The following EHMT1 variants were observed in gnomAD, a reference collection of about 807,000 sequenced individuals.
The protein encoded by EHMT1 is histone-lysine N-methyltransferase EHMT1.
In EHMT1, 15 loss-of-function variants were observed where a neutral mutation model predicts 147.2. The ratio of observed to expected loss-of-function variants is 0.10; its 90% CI spans 0.07 to 0.16. The LOEUF is 0.16. EHMT1 is among the 10% of genes least tolerant of loss of function. The pLI is 1.00. For synonymous variants in EHMT1, 795 were observed against 709.6 expected, an observed-to-expected ratio of 1.12 and a Z score of -1.91; for missense variants, 1,587 against 1,772.4, an observed-to-expected ratio of 0.90 and a Z score of 1.88.
chr9:137,724,438 T>A (rs1381731793), intron 3 of EHMT1, among the ~76,000 whole-genome samples: 1 of 152,230 alleles, frequency 6.6e-6, no homozygotes, highest in Non-Finnish European at 1.5e-5. Context: ...TGTGCTTTGT[T>A]AGGTAACAAG....
At chr9:137,644,220 C>T (rs1844719322) in intron 1 of EHMT1, among the ~76,000 whole-genome samples, 1 of 152,094 alleles carries the variant, frequency 6.6e-6, no homozygotes. Context: ...GGCAGGAAAG[C>T]AGCCACGGGC....
intron 15 of EHMT1, among the ~76,000 whole-genome samples, chr9:137,790,447 A>G (rs1381312371): frequency 6.6e-6 from 1 of 152,236 alleles, no homozygotes; most frequent in African/African-American, 2.4e-5. Context: ...GTACTAAATC[A>G]GTGAGAGGAT....
At chr9:137,830,664 A>G (rs921946310) in intron 25 of EHMT1, among the ~76,000 whole-genome samples, 5 of 152,144 alleles carry the variant, frequency 3.3e-5, no homozygotes, top group African/African-American at 4.8e-5. Context: ...AACATGTCCC[A>G]TGGAAGCTGG....
intron 1 of EHMT1, among the ~76,000 whole-genome samples, chr9:137,669,531 C>T (rs1940262092): frequency 6.7e-6 from 1 of 149,092 alleles, no homozygotes; most frequent in African/African-American, 2.5e-5. Flanking sequence ...GTGCACTCGA[C>T]TCCTCCCAAG....
chr9:137,703,775 C>T (rs567991118), intron 1 of EHMT1, among the ~76,000 whole-genome samples: 40 of 152,246 alleles, frequency 2.6e-4, no homozygotes, highest in African/African-American at 7.9e-4. Flanking sequence ...GTTCAAACTT[C>T]GGCCCATTAC....
At position 137,778,047 on chromosome 9, in the gene EHMT1, C is replaced by T. The variant is rs760890506; in HGVS notation, c.2184C>T (p.Asp728=). The T allele has an allele frequency of 5.6e-6, 9 of 1,613,782 alleles. No homozygotes were observed. In the Admixed American group the frequency reaches 1.5e-4, roughly 27 times the overall value. The change falls in exon 13 of 27, where the codon GAC becomes GAT. Residue 728 remains aspartate, a synonymous_variant. Coordinates refer to ENST00000460843, the MANE Select transcript of EHMT1 (RefSeq NM_024757.5). The stretch of plus-strand genomic sequence containing the variant: ...TGGAGAGCGCTCTCATCGCCCTCGA[C>T]TCGGAAAAGTAAGACCTGACATGTG... ...ETLESALIAL[D]SEKPKKLRFH... is the part of the protein sequence containing the mutation.
intron 1 of EHMT1, among the ~76,000 whole-genome samples, chr9:137,640,109 A>G (rs1023812771): frequency 6.6e-6 from 1 of 151,810 alleles, no homozygotes; most frequent in African/African-American, 2.4e-5. Context: ...TAAGTTTTAT[A>G]TTTTTAGTAG....
intron 24 of EHMT1, 183 bp downstream of exon 24, chr9:137,817,708 T>C: frequency 1.3e-6 from 1 of 750,766 alleles, no homozygotes; most frequent in Non-Finnish European, 2.2e-6. Context: ...GTCCTCTTGC[T>C]GCTGCCCGTA....
At chr9:137,630,745 C>T (rs1387272857) in intron 1 of EHMT1, among the ~76,000 whole-genome samples, 1 of 152,060 alleles carries the variant, frequency 6.6e-6, no homozygotes, top group Non-Finnish European at 1.5e-5. Context: ...TAGAAAAGTC[C>T]CAGTTTCCTC....
intron 18 of EHMT1, chr9:137,803,152 C>G (rs958025099): frequency 4.9e-6 from 6 of 1,226,484 alleles, no homozygotes; most frequent in Non-Finnish European, 5.1e-6. Context: ...GGTGGCTGTT[C>G]CCCCAGAATG....
chr9:137,824,717 G>C (rs894709157), intron 25 of EHMT1, among the ~76,000 whole-genome samples: 4 of 152,074 alleles, frequency 2.6e-5, no homozygotes, highest in African/African-American at 9.7e-5. Flanking sequence ...TTTGTTAAAT[G>C]TATTCCTAAG....
intron 1 of EHMT1, chr9:137,651,153 C>G (rs756792687): frequency 6.6e-6 from 1 of 152,214 alleles, no homozygotes; most frequent in African/African-American, 2.4e-5. Context: ...GTGTGAGCCA[C>G]TGCACCCAGG....
At chr9:137,727,040 A>G (rs1232879652) in intron 3 of EHMT1, among the ~76,000 whole-genome samples, 1 of 152,136 alleles carries the variant, frequency 6.6e-6, no homozygotes, top group South Asian at 2.1e-4. Flanking sequence ...AGACTTTTTC[A>G]TGTATTCTGG....
At chr9:137,781,871 T>C (rs1452864427) in intron 14 of EHMT1, among the ~76,000 whole-genome samples, 2 of 152,222 alleles carry the variant, frequency 1.3e-5, no homozygotes, top group Non-Finnish European at 2.9e-5. Context: ...GCTCCGTTGC[T>C]CACCGTCCTC....
At chr9:137,700,812 T>C (rs1943763379) in intron 1 of EHMT1, among the ~76,000 whole-genome samples, 1 of 152,180 alleles carries the variant, frequency 6.6e-6, no homozygotes, top group Admixed American at 6.5e-5. Context: ...TAGCTCTTGT[T>C]TTACTATAAA....
At chr9:137,691,477 C>T (rs1054943958) in intron 1 of EHMT1, among the ~76,000 whole-genome samples, 5 of 151,712 alleles carry the variant, frequency 3.3e-5, no homozygotes, top group Admixed American at 2.0e-4. Flanking sequence ...CGCGCCCAGC[C>T]GTAATGTTCT....
Position 137,762,701 on chromosome 9 carries a change from G to C in EHMT1, c.1528G>C (p.Glu510Gln). 6.2e-7 allele frequency: 1 copy of C among 1,614,250 alleles called. No individual in the cohort carries two copies. Among genetic ancestry groups the C allele is most frequent in the South Asian group, 1.1e-5 (1 of 91,086 alleles). The change falls in exon 10 of 27, where the codon GAG (glutamate) becomes CAG (glutamine). Residue 510 changes from glutamate (E) to glutamine (Q), a missense_variant. Glu to Gln is a conservative substitution (Grantham distance 29). Around this residue, in one of 7 missense-constraint regions of EHMT1, gnomAD observed 810 missense variants for 673.0 expected, o/e 1.20. Coordinates refer to ENST00000460843, the MANE Select transcript of EHMT1 (RefSeq NM_024757.5). ...EGLANGPDVL[E>Q]TDGLQEVPLC... ...GTTGGCCAACGGTCCAGATGTGCTGGAGACAGACGGCCTCCAGGAAGTGCC... is the reference window on the plus strand; with the variant it reads ...GTTGGCCAACGGTCCAGATGTGCTGCAGACAGACGGCCTCCAGGAAGTGCC...
chr9:137,801,221 C>T (rs1312109083), intron 18 of EHMT1, among the ~76,000 whole-genome samples: 2 of 152,212 alleles, frequency 1.3e-5, no homozygotes, highest in East Asian at 1.9e-4. Context: ...GGGCGCTGCA[C>T]TGCCCTGGTC....
intron 23 of EHMT1, chr9:137,817,163 C>T (rs1369739608): frequency 3.8e-6 from 2 of 525,650 alleles, no homozygotes; most frequent in Non-Finnish European, 6.9e-6. Flanking sequence ...AGGCCCAGCT[C>T]TGTCCCCATG....
Sources: gnomAD v4.1 joint callset for allele counts (sites outside exome capture counted in the v4.1 genomes callset) on GRCh38, gnomAD v4.1.1 for gene constraint, gnomAD v4.1.1 regional missense constraint, MANE v1.5 for transcripts, NCBI Gene and HGNC (gene_info 2026-07-23, HGNC 2026-07-21) for gene names.